ZBTB7C: variants seen among roughly 807,000 people sequenced by gnomAD.
The protein encoded by ZBTB7C is zinc finger and BTB domain-containing protein 7C.
Under a neutral mutation model 25.7 loss-of-function variants are expected in ZBTB7C, and 8 were observed. The observed-to-expected ratio is 0.31, with a 90% confidence interval of 0.18 to 0.56. The LOEUF (loss-of-function observed/expected upper bound fraction) is 0.56, where lower values mean the gene tolerates loss of function less well. Ranked by LOEUF, ZBTB7C falls within the 20% of genes least tolerant of loss-of-function variation. The probability of loss-of-function intolerance (pLI) is 0.91; values close to 1 mark genes in which losing one functional copy is unlikely to be tolerated. For missense variants in ZBTB7C, 824 were observed against 855.2 expected (o/e 0.96, Z 0.46); for synonymous variants, 394 against 369.0 (o/e 1.07, Z -0.78).
intron 1 of ZBTB7C, among the ~76,000 whole-genome samples, chr18:48,355,631 C>T (rs1212043525): frequency 1.3e-5 from 2 of 152,238 alleles, no homozygotes; most frequent in East Asian, 1.9e-4. Flanking sequence ...CTGCACTGCA[C>T]AACTCCAGTG....
chr18:48,299,120 T>C lies in ZBTB7C; in HGVS notation c.-79+39054A>G, dbSNP rs140665727. Among the ~76,000 whole-genome samples, 1,274 of 151,866 alleles carry C rather than the reference T, an allele frequency of 8.4e-3. 56 individuals carry two copies. Among genetic ancestry groups the C allele is most frequent in the Admixed American group, 0.072 (1,096 of 15,260 alleles). On this transcript the variant is annotated intron_variant, in intron 2 of 4. Transcript: ENST00000590800. ...CCAGGGCAGCATCAGGAGCAGAAAA[T>C]AGTGAAATGGGAGGGCATCACTTGG... is the stretch of plus-strand genomic sequence containing the variant.
At chr18:48,367,384 G>T (rs1455890207) in intron 1 of ZBTB7C, among the ~76,000 whole-genome samples, 3 of 102,146 alleles carry the variant, frequency 2.9e-5, no homozygotes, top group East Asian at 2.7e-4. Context: ...AATACAAACA[G>T]AAGACTCTAA....
intron 2 of ZBTB7C, among the ~76,000 whole-genome samples, chr18:48,309,625 A>G (rs948671896): frequency 6.6e-6 from 1 of 152,238 alleles, no homozygotes; most frequent in Non-Finnish European, 1.5e-5. Flanking sequence ...ATGCATGTCT[A>G]CTATCCCCAT....
At chr18:48,395,676 T>A (rs2048015457) in intron 1 of ZBTB7C, among the ~76,000 whole-genome samples, 1 of 152,168 alleles carries the variant, frequency 6.6e-6, no homozygotes, top group South Asian at 2.1e-4. Flanking sequence ...ACCCAGGGAC[T>A]GGGGGCAGAG....
chr18:48,339,510 A>G (rs2046541532), intron 1 of ZBTB7C, among the ~76,000 whole-genome samples: 1 of 152,246 alleles, frequency 6.6e-6, no homozygotes. Context: ...GGTGTTTGAA[A>G]GACTAGGAAA....
At chr18:48,319,473 GA>G (rs759183972) in intron 2 of ZBTB7C, among the ~76,000 whole-genome samples, 13 of 152,120 alleles carry the variant, frequency 8.5e-5, no homozygotes, top group Non-Finnish European at 1.6e-4. Context: ...ACTATGGGGG[GA>G]CGTAATGCTA....
chr18:48,109,960 G>C (rs2039175495), intron 3 of ZBTB7C, among the ~76,000 whole-genome samples: 1 of 152,122 alleles, frequency 6.6e-6, no homozygotes, highest in African/African-American at 2.4e-5. Context: ...GGCCTAACTA[G>C]CAGCAAAGGT....
chr18:48,255,866 A>G (rs2044007053), intron 2 of ZBTB7C, among the ~76,000 whole-genome samples: 1 of 152,222 alleles, frequency 6.6e-6, no homozygotes. Flanking sequence ...CAATAACAGC[A>G]GATAAGATTT....
intron 2 of ZBTB7C, among the ~76,000 whole-genome samples, chr18:48,263,332 T>C (rs938333704): frequency 3.3e-5 from 5 of 152,218 alleles, no homozygotes; most frequent in African/African-American, 1.2e-4. Flanking sequence ...GAGCAACTCG[T>C]GTGGGCAGGG....
At chr18:48,138,303 C>T (rs1416963187) in intron 3 of ZBTB7C, among the ~76,000 whole-genome samples, 3 of 152,188 alleles carry the variant, frequency 2.0e-5, no homozygotes, top group African/African-American at 7.2e-5. Context: ...AAACTATCTC[C>T]TCCAACAGGT....
intron 1 of ZBTB7C, among the ~76,000 whole-genome samples, chr18:48,398,511 C>G (rs1407451806): frequency 1.1e-4 from 16 of 152,150 alleles, no homozygotes; most frequent in Non-Finnish European, 5.9e-5. Context: ...CTCCCTGATA[C>G]CCTGCACCTC....
chr18:48,116,961 A>G (rs897320588), intron 3 of ZBTB7C, among the ~76,000 whole-genome samples: 3 of 152,102 alleles, frequency 2.0e-5, no homozygotes, highest in Non-Finnish European at 4.4e-5. Flanking sequence ...CCTAGCTCCC[A>G]CGGCACTTAG....
chr18:48,395,678 G>A (rs989864947), intron 1 of ZBTB7C, among the ~76,000 whole-genome samples: 2 of 152,118 alleles, frequency 1.3e-5, no homozygotes, highest in Non-Finnish European at 2.9e-5. Context: ...CCAGGGACTG[G>A]GGGCAGAGTC....
At chr18:48,391,721 C>T (rs2047907379) in intron 1 of ZBTB7C, among the ~76,000 whole-genome samples, 1 of 152,124 alleles carries the variant, frequency 6.6e-6, no homozygotes, top group African/African-American at 2.4e-5. Flanking sequence ...TTGGGTCCAC[C>T]CCTAGAGTTT....
In ZBTB7C at chr18:48,180,597, T is replaced by TG. The variant is rs573200288; in HGVS notation, c.-17+5336dup. On this transcript the variant is annotated intron_variant, in intron 3 of 4. Coordinates refer to ENST00000590800, the MANE Select transcript of ZBTB7C (RefSeq NM_001318841.2). The stretch of plus-strand genomic sequence containing the variant: ...GGCCCAGGAGGGCTCTGTAGGGTGA[T>TG]GGGGGGGTGGGCCAGACAAGGGCAA... 66 of 314,672 alleles carry TG rather than the reference T, an allele frequency of 2.1e-4. 1 individual carries two copies. The highest frequency in any genetic ancestry group is 1.2e-3 in the Middle Eastern group (1 of 858). The allele number at this position is 314,672 out of a possible 1,614,324, so 19.5% of individuals were successfully genotyped here. A position where few individuals can be genotyped will look rare whatever the true frequency, so the allele number is the denominator to read the frequency against.
chr18:48,144,787 G>A (rs549997440), intron 3 of ZBTB7C, among the ~76,000 whole-genome samples: 3 of 152,232 alleles, frequency 2.0e-5, no homozygotes, highest in African/African-American at 7.2e-5. Context: ...GGAGTCCATG[G>A]GAGAGTTCTA....
chr18:48,389,232 CTCTCGTGTGTGTGTGT>C (rs1326993216), intron 1 of ZBTB7C, among the ~76,000 whole-genome samples: 4 of 61,844 alleles, frequency 6.5e-5, no homozygotes, highest in African/African-American at 1.3e-4. Context: ...CTCTCTCTCT[CTCTCGTGTGTGTGTGT>C]GTGTGTGTGT....
intron 3 of ZBTB7C, among the ~76,000 whole-genome samples, chr18:48,047,337 CCACACACACACA>C (rs61078960): frequency 6.7e-6 from 1 of 150,238 alleles, no homozygotes; most frequent in Non-Finnish European, 1.5e-5. Flanking sequence ...GAAAAAAATT[CCACACACACACA>C]CACACAGACA....
chr18:48,340,856 G>A (rs1382777905), intron 1 of ZBTB7C, among the ~76,000 whole-genome samples: 1 of 152,174 alleles, frequency 6.6e-6, no homozygotes, highest in Non-Finnish European at 1.5e-5. Flanking sequence ...CAAGGACAAG[G>A]GACACTTAGG....
Sources: allele counts gnomAD v4.1 joint callset (sites outside exome capture counted in the v4.1 genomes callset), GRCh38; gene constraint gnomAD v4.1.1; transcripts MANE v1.5; gene names NCBI Gene and HGNC (gene_info 2026-07-23, HGNC 2026-07-21).